The following FAM168B variants were observed in gnomAD, a reference collection of about 807,000 sequenced individuals.
FAM168B encodes myelin-associated neurite-outgrowth inhibitor.
A neutral mutation model predicts 21.8 loss-of-function variants in FAM168B; 19 were observed. The observed-to-expected ratio is 0.87, with a 90% CI of 0.61 to 1.28. FAM168B has a LOEUF of 1.28. Ranked by LOEUF, FAM168B falls within the 50% of genes most tolerant of loss-of-function variation. The pLI, the probability that FAM168B is intolerant of heterozygous loss-of-function variation, is 0.00. For synonymous variants in FAM168B, 126 were observed against 104.8 expected, an observed-to-expected ratio of 1.20 and a Z score of -1.24; for missense variants, 233 against 263.1, an observed-to-expected ratio of 0.89 and a Z score of 0.79.
Position 131,069,843 on chromosome 2 carries a change from G to C in FAM168B, c.154+2012C>G, listed in dbSNP as rs145036565. On this transcript the variant is annotated intron_variant, in intron 3 of 6. Coordinates refer to ENST00000389915, the MANE Select transcript of FAM168B (RefSeq NM_001009993.4). The stretch of plus-strand genomic sequence containing the variant: ...GTACCAAAAGCATGATCCATAAAAC[G>C]ACTAACCCTCATCAAACTTTTTTTT... Among the ~76,000 whole-genome samples, 225 of 148,454 alleles carry C rather than the reference G, an allele frequency of 1.5e-3. 1 individual carries two copies. Among genetic ancestry groups the C allele is most frequent in the African/African-American group, 5.4e-3 (219 of 40,220 alleles).
At chr2:131,085,096 G>C (rs1189098414) in intron 1 of FAM168B, among the ~76,000 whole-genome samples, 2 of 152,100 alleles carry the variant, frequency 1.3e-5, no homozygotes, top group Non-Finnish European at 2.9e-5. Context: ...GTGGGGGTAG[G>C]GGGGTATATG....
chr2:131,078,320 T>C (rs78478390), intron 2 of FAM168B, among the ~76,000 whole-genome samples: 2,212 of 152,314 alleles, frequency 0.015, 56 homozygotes, highest in African/African-American at 0.05. Context: ...ACATGAATTA[T>C]AGCAAATTAG....
intron 3 of FAM168B, among the ~76,000 whole-genome samples, chr2:131,070,709 A>G (rs1228735587): frequency 6.6e-6 from 1 of 152,244 alleles, no homozygotes; most frequent in Non-Finnish European, 1.5e-5. Flanking sequence ...CCATACAACA[A>G]AATACTACCT....
chr2:131,085,922 T>C (rs1693672893), intron 1 of FAM168B, among the ~76,000 whole-genome samples: 1 of 152,208 alleles, frequency 6.6e-6, no homozygotes. Flanking sequence ...ACTGTGAGAT[T>C]GATCTTTTAG....
chr2:131,059,607 T>C lies in FAM168B; in HGVS notation c.155-3912A>G, dbSNP rs190335012. ...TTTTTTTTATAAAAATGTCAAAACA[T>C]AGAGCTACCCTCTGTGTGTCACATC... On this transcript the variant is annotated intron_variant, in intron 3 of 6. Transcript: ENST00000389915. 1.8e-4 allele frequency among the ~76,000 whole-genome samples: 28 copies of C among 152,296 alleles called. No homozygotes were observed. In the East Asian group the frequency reaches 4.8e-3, roughly 26 times the overall value.
chr2:131,070,711 A>G (rs1692830810), intron 3 of FAM168B, among the ~76,000 whole-genome samples: 2 of 152,244 alleles, frequency 1.3e-5, no homozygotes, highest in African/African-American at 4.8e-5. Flanking sequence ...ATACAACAAA[A>G]TACTACCTAA....
intron 3 of FAM168B, among the ~76,000 whole-genome samples, chr2:131,059,564 T>C (rs2105476568): frequency 6.6e-6 from 1 of 152,324 alleles, no homozygotes; most frequent in South Asian, 2.1e-4. Context: ...ACCAAACTCT[T>C]ATCTGACCAA....
At chr2:131,091,555 G>C (rs1339210915) in intron 1 of FAM168B, among the ~76,000 whole-genome samples, 1 of 150,440 alleles carries the variant, frequency 6.6e-6, no homozygotes, top group Non-Finnish European at 1.5e-5. Context: ...GCTGAGACAG[G>C]AGAATCCCTT....
At chr2:131,077,553 T>A (rs895681156) in intron 2 of FAM168B, among the ~76,000 whole-genome samples, 1 of 152,186 alleles carries the variant, frequency 6.6e-6, no homozygotes, top group Non-Finnish European at 1.5e-5. Context: ...CCTAACTCCA[T>A]CCCAGTGTCC....
intron 2 of FAM168B, among the ~76,000 whole-genome samples, chr2:131,078,108 C>T (rs1003840690): frequency 6.6e-6 from 1 of 152,098 alleles, no homozygotes; most frequent in Non-Finnish European, 1.5e-5. Context: ...TAATACACTG[C>T]GTGAGACAGT....
intron 3 of FAM168B, among the ~76,000 whole-genome samples, chr2:131,056,672 C>A (rs1692038811): frequency 6.6e-6 from 1 of 152,164 alleles, no homozygotes; most frequent in Non-Finnish European, 1.5e-5. Context: ...CTGGCAATGG[C>A]CCAGATGCCC....
intron 5 of FAM168B, 84 bp from the exon 6 acceptor site, chr2:131,053,099 T>G: frequency 6.9e-7 from 1 of 1,446,480 alleles, no homozygotes; most frequent in Non-Finnish European, 9.1e-7. Context: ...CCTGGCCTCT[T>G]TGCAAGGAGG....
intron 2 of FAM168B, among the ~76,000 whole-genome samples, chr2:131,077,799 T>C (rs1449218569): frequency 6.6e-6 from 1 of 152,148 alleles, no homozygotes; most frequent in Non-Finnish European, 1.5e-5. Flanking sequence ...ATATGTCAAA[T>C]TCTAAAGCTA....
intron 1 of FAM168B, among the ~76,000 whole-genome samples, chr2:131,083,026 G>A (rs1343095538): frequency 1.3e-5 from 2 of 152,072 alleles, no homozygotes; most frequent in Non-Finnish European, 2.9e-5. Flanking sequence ...TTTGAGACCA[G>A]CCTGGCCAAC....
chr2:131,067,194 T>C (rs1692609852), intron 3 of FAM168B, among the ~76,000 whole-genome samples: 1 of 152,154 alleles, frequency 6.6e-6, no homozygotes, highest in African/African-American at 2.4e-5. Context: ...CCACTCTTGA[T>C]GTGTGCATAC....
Position 131,048,996 on chromosome 2 carries a change from C to T in FAM168B, c.*3469G>A. 1.0e-6 allele frequency: 1 copy of T among 985,592 alleles called. No homozygotes were observed. The highest frequency in any genetic ancestry group is 4.7e-5 in the South Asian group (1 of 21,290). 61.1% of individuals were successfully genotyped at this position (985,592 alleles called of 1,614,324 possible). ...ACTGTTCTCAAATGTTTAAAAAGGA[C>T]AGGTGAAGTCTGGGTCTCCTTTTTT... is the stretch of plus-strand genomic sequence containing the variant. On this transcript the variant is annotated 3_prime_UTR_variant, in exon 7 of 7. Coordinates refer to ENST00000389915, the MANE Select transcript of FAM168B (RefSeq NM_001009993.4).
rs1468417808 is a variant in FAM168B at position 131,082,617 on chromosome 2, A to C, written c.30T>G (p.Ser10=). 6.2e-7 allele frequency: 1 copy of C among 1,610,376 alleles called. No homozygotes were observed. The highest frequency in any genetic ancestry group is 8.5e-7 in the Non-Finnish European group (1 of 1,178,714). MNPVYSPGS[S]GVPYANAKGI... is the part of the protein sequence containing the mutation. Reference sequence around the variant, plus strand: ...CTTTGGCATTTGCATAGGGAACCCCAGAAGATCCAGGACTATAAACAGGAT... The same window carrying C: ...CTTTGGCATTTGCATAGGGAACCCCCGAAGATCCAGGACTATAAACAGGAT... The change falls in exon 2 of 7, where the codon TCT becomes TCG. Residue 10 remains serine, a synonymous_variant. Transcript: ENST00000389915.
intron 2 of FAM168B, among the ~76,000 whole-genome samples, chr2:131,078,651 G>T (rs1008043349): frequency 6.6e-6 from 1 of 152,120 alleles, no homozygotes; most frequent in African/African-American, 2.4e-5. Context: ...CAAGGTACAC[G>T]GGTTGGGGGA....
At position 131,051,483 on chromosome 2, in the gene FAM168B, GAAAAAAA is replaced by G; in HGVS notation, c.*975_*981del. 1.3e-5 allele frequency: 12 copies of G among 927,586 alleles called. No homozygotes were observed. The highest frequency in any genetic ancestry group is 1.5e-5 in the Non-Finnish European group (12 of 786,612). The allele number at this position is 927,586 out of a possible 1,614,324, so 57.5% of individuals were successfully genotyped here. On this transcript the variant is annotated 3_prime_UTR_variant, in exon 7 of 7. Transcript: ENST00000389915. ...TCAGCTGATTCAAACATTTCTCCAG[GAAAAAAA>G]AAAAAAAAGGAATGATTTTCTAAGC...
Sources: gnomAD v4.1 joint callset for allele counts (sites outside exome capture counted in the v4.1 genomes callset) on GRCh38, gnomAD v4.1.1 for gene constraint, MANE v1.5 for transcripts, NCBI Gene and HGNC (gene_info 2026-07-23, HGNC 2026-07-21) for gene names.